The following CYP7B1 variants were observed in gnomAD, a reference collection of about 807,000 sequenced individuals.
CYP7B1 encodes the protein cytochrome P450 7B1.
In CYP7B1, 29 loss-of-function variants were observed where a neutral mutation model predicts 42.7. The ratio of observed to expected loss-of-function variants is 0.68; its 90% confidence interval spans 0.51 to 0.93. The LOEUF (loss-of-function observed/expected upper bound fraction) is 0.93, where lower values mean the gene tolerates loss of function less well. Ranked by LOEUF, CYP7B1 falls within the 40% of genes least tolerant of loss-of-function variation. The pLI is 0.00. For missense variants in CYP7B1, 655 were observed against 600.5 expected, an observed-to-expected ratio of 1.09 and a Z score of -0.95; for synonymous variants, 235 against 218.2, an observed-to-expected ratio of 1.08 and a Z score of -0.68.
intron 2 of CYP7B1, among the ~76,000 whole-genome samples, chr8:64,622,842 G>A (rs1354019931): frequency 6.6e-6 from 1 of 152,150 alleles, no homozygotes; most frequent in Non-Finnish European, 1.5e-5. Flanking sequence ...ATTGAGAAAC[G>A]TAGGTACATT....
At chr8:64,660,118 T>G (rs2129631398) in intron 1 of CYP7B1, among the ~76,000 whole-genome samples, 1 of 152,304 alleles carries the variant, frequency 6.6e-6, no homozygotes. Flanking sequence ...ATAACCGTCT[T>G]TATGAGGAAA....
intron 1 of CYP7B1, among the ~76,000 whole-genome samples, chr8:64,748,812 C>T (rs919733658): frequency 6.6e-6 from 1 of 152,216 alleles, no homozygotes; most frequent in African/African-American, 2.4e-5. Context: ...CCTTCATTCA[C>T]TCAACAAATA....
chr8:64,669,836 A>G (rs1310574063), intron 1 of CYP7B1, among the ~76,000 whole-genome samples: 2 of 152,148 alleles, frequency 1.3e-5, no homozygotes, highest in Non-Finnish European at 2.9e-5. Flanking sequence ...TTGTTGGATG[A>G]ATTATCTCAT....
chr8:64,786,389 C>A (rs920270148), intron 1 of CYP7B1, among the ~76,000 whole-genome samples: 1 of 152,112 alleles, frequency 6.6e-6, no homozygotes, highest in African/African-American at 2.4e-5. Context: ...ACACCCATTC[C>A]AAATGGGAGA....
At chr8:64,671,604 T>TCAAC (rs1433000609) in intron 1 of CYP7B1, among the ~76,000 whole-genome samples, 1 of 152,140 alleles carries the variant, frequency 6.6e-6, no homozygotes, top group Non-Finnish European at 1.5e-5. Context: ...GGCTACAGCA[T>TCAAC]CAACCCTTGC....
intron 1 of CYP7B1, among the ~76,000 whole-genome samples, chr8:64,770,342 G>A (rs921157408): frequency 1.3e-5 from 2 of 152,202 alleles, no homozygotes; most frequent in Non-Finnish European, 2.9e-5. Flanking sequence ...TGATTTTACA[G>A]ATGGGGACTT....
intron 4 of CYP7B1, among the ~76,000 whole-genome samples, chr8:64,607,416 A>C (rs63439162): frequency 6.9e-6 from 1 of 145,198 alleles, no homozygotes; most frequent in Non-Finnish European, 1.5e-5. Flanking sequence ...AAAAAAAAAA[A>C]CTTTCCATAT....
At chr8:64,742,502 TA>T (rs1433923418) in intron 1 of CYP7B1, among the ~76,000 whole-genome samples, 17 of 152,246 alleles carry the variant, frequency 1.1e-4, no homozygotes, top group Non-Finnish European at 1.3e-4. Context: ...TATTCTCTGT[TA>T]AAATATAATT....
chr8:64,738,138 C>G (rs374527781), intron 1 of CYP7B1, among the ~76,000 whole-genome samples: 1 of 152,288 alleles, frequency 6.6e-6, no homozygotes, highest in East Asian at 1.9e-4. Flanking sequence ...CTGCATACCT[C>G]TACTGAGAAA....
At position 64,594,063 on chromosome 8, in the gene CYP7B1, A is replaced by T. The variant is rs1228478218; in HGVS notation, c.*2579T>A. Among the ~76,000 whole-genome samples, 1 of 152,082 alleles carries T rather than the reference A, an allele frequency of 6.6e-6. No homozygotes were observed. The highest frequency in any genetic ancestry group is 1.5e-5 in the Non-Finnish European group (1 of 68,008). On this transcript the variant is annotated 3_prime_UTR_variant, in exon 6 of 6. Transcript: ENST00000310193. ...TGAGGATGGGACATAACAAATTTAG[A>T]ACATCTTAGGAAGAATTAAAGTTAT... is the stretch of plus-strand genomic sequence containing the variant.
intron 1 of CYP7B1, among the ~76,000 whole-genome samples, chr8:64,777,701 T>C (rs981918282): frequency 6.6e-6 from 1 of 152,066 alleles, no homozygotes; most frequent in Admixed American, 6.6e-5. Flanking sequence ...ATAATGGCCA[T>C]GTTATCTATA....
intron 1 of CYP7B1, among the ~76,000 whole-genome samples, chr8:64,626,636 T>C (rs973473178): frequency 6.6e-6 from 1 of 152,224 alleles, no homozygotes; most frequent in Non-Finnish European, 1.5e-5. Context: ...CTTTGTTGAT[T>C]TGTAATCTTA....
chr8:64,701,278 A>G (rs1806912665), intron 1 of CYP7B1, among the ~76,000 whole-genome samples: 1 of 151,932 alleles, frequency 6.6e-6, no homozygotes, highest in Non-Finnish European at 1.5e-5. Flanking sequence ...TCCACACTTC[A>G]CCCAAATGGC....
At chr8:64,783,427 C>A (rs536628668) in intron 1 of CYP7B1, among the ~76,000 whole-genome samples, 32 of 152,186 alleles carry the variant, frequency 2.1e-4, no homozygotes, top group African/African-American at 7.5e-4. Context: ...TTGACTAAAA[C>A]TTATCTTAAC....
intron 1 of CYP7B1, among the ~76,000 whole-genome samples, chr8:64,773,817 G>T (rs1804276321): frequency 6.6e-6 from 1 of 152,204 alleles, no homozygotes; most frequent in East Asian, 1.9e-4. Context: ...GAGCAAGAAA[G>T]CCAGAGAGAG....
At chr8:64,718,630 A>G (rs1416782175) in intron 1 of CYP7B1, among the ~76,000 whole-genome samples, 1 of 152,158 alleles carries the variant, frequency 6.6e-6, no homozygotes, top group African/African-American at 2.4e-5. Flanking sequence ...TGCAGCCATT[A>G]TGTTCACCTC....
intron 1 of CYP7B1, among the ~76,000 whole-genome samples, chr8:64,650,868 C>T (rs1806028132): frequency 6.6e-6 from 1 of 152,134 alleles, no homozygotes; most frequent in African/African-American, 2.4e-5. Context: ...AGCAAATACA[C>T]CTTCTTCTAG....
chr8:64,751,068 T>C (rs2129633493), intron 1 of CYP7B1, among the ~76,000 whole-genome samples: 1 of 152,336 alleles, frequency 6.6e-6, no homozygotes, highest in Middle Eastern at 3.4e-3. Context: ...TGTGCCTTTA[T>C]ACTGGGTCCC....
intron 1 of CYP7B1, among the ~76,000 whole-genome samples, chr8:64,687,233 C>T (rs943204991): frequency 1.3e-5 from 2 of 152,036 alleles, no homozygotes; most frequent in Non-Finnish European, 2.9e-5. Flanking sequence ...TATATCTGCA[C>T]AATGGAATAT....
Sources: allele counts gnomAD v4.1 joint callset (sites outside exome capture counted in the v4.1 genomes callset), GRCh38; gene constraint gnomAD v4.1.1; transcripts MANE v1.5; gene names NCBI Gene and HGNC (gene_info 2026-07-23, HGNC 2026-07-21).